Variants in RUBCNL observed in about 807,000 individuals in gnomAD.
The protein encoded by RUBCNL is rubicon like autophagy enhancer, also known as protein associated with UVRAG as autophagy enhancer.
RUBCNL carries 62 observed loss-of-function variants against 69.5 expected under a neutral mutation model. That is an observed-to-expected ratio of 0.89 (90% CI 0.73 to 1.10). The LOEUF (loss-of-function observed/expected upper bound fraction) is 1.10, where lower values mean the gene tolerates loss of function less well. Ranked by LOEUF, RUBCNL falls within the 50% of genes least tolerant of loss-of-function variation. The pLI, the probability that RUBCNL is intolerant of heterozygous loss-of-function variation, is 0.00. For synonymous variants in RUBCNL, 291 were observed against 303.6 expected (o/e 0.96, Z 0.43); for missense variants, 768 against 798.1 (o/e 0.96, Z 0.45).
intron 14 of RUBCNL, among the ~76,000 whole-genome samples, chr13:46,344,205 C>T (rs2048193335): frequency 6.6e-6 from 1 of 152,134 alleles, no homozygotes; most frequent in Non-Finnish European, 1.5e-5. Flanking sequence ...GAGGATATGC[C>T]CCTATCAAGG....
In RUBCNL at chr13:46,372,074, T is replaced by C. The variant is rs1310828710; in HGVS notation, c.402A>G (p.Val134=). ...GAGAGTATCCTGGGCGGACCATGTGTACCTCTGTTGAGGACAGAGAGAAGC... is the reference window on the plus strand; with the variant it reads ...GAGAGTATCCTGGGCGGACCATGTGCACCTCTGTTGAGGACAGAGAGAAGC... The part of the protein sequence containing the change: ...SSSFSLSSTE[V]HMVRPGYSHR... The change falls in exon 3 of 15, where the codon GTA becomes GTG. Residue 134 remains valine, a synonymous_variant. Transcript: ENST00000429979. The C allele has an allele frequency of 3.1e-6, 5 of 1,613,982 alleles. No individual in the cohort carries two copies. Among genetic ancestry groups the C allele is most frequent in the Admixed American group, 1.7e-5 (1 of 60,018 alleles).
chr13:46,381,164 G>T (rs369244796), intron 1 of RUBCNL, among the ~76,000 whole-genome samples: 1 of 152,114 alleles, frequency 6.6e-6, no homozygotes, highest in Non-Finnish European at 1.5e-5. Context: ...ACTTGTGCCC[G>T]AATATTTCTA....
chr13:46,388,199 C>CAAAAAAAAAAAAAAAAAAA (rs71074779), upstream of RUBCNL, among the ~76,000 whole-genome samples: 1 of 68,202 alleles, frequency 1.5e-5, no homozygotes, highest in African/African-American at 6.6e-5. Context: ...GCAAGACTGT[C>CAAAAAAAAAAAAAAAAAAA]AAAAAAAAAA....
At position 46,362,602 on chromosome 13, in the gene RUBCNL, TG is replaced by T; in HGVS notation, c.926-5del. On this transcript the variant is annotated splice_polypyrimidine_tract_variant and splice_region_variant and intron_variant, in intron 6 of 14. Transcript: ENST00000429979. ...ATATCATTAAAATCTCCAAGCTCTG[TG>T]GGAAAATAAAAGAAAGAGTGGTGAG... is the stretch of plus-strand genomic sequence containing the variant. The T allele has an allele frequency of 6.2e-7, 1 of 1,603,368 alleles. No individual in the cohort carries two copies. The highest frequency in any genetic ancestry group is 1.1e-5 in the South Asian group (1 of 89,468).
rs1386435547 is a variant in RUBCNL, at chr13:46,336,240, G to T, written c.*7145C>A. On this transcript the variant is annotated 3_prime_UTR_variant, in exon 15 of 15. Coordinates refer to ENST00000429979, the MANE Select transcript of RUBCNL (RefSeq NM_025113.5). ...TAACCAAGAAAACCAGGAGCTTTGG[G>T]TACCAGGCAGCACCTCCATCATCAG... Among the ~76,000 whole-genome samples the T allele has an allele frequency of 3.3e-5, 5 of 152,152 alleles. No homozygotes were observed. Among genetic ancestry groups the T allele is most frequent in the African/African-American group, 1.2e-4 (5 of 41,434 alleles).
intron 14 of RUBCNL, 46 bp from the exon 15 acceptor site, chr13:46,343,543 T>C (rs778988936): frequency 2.5e-6 from 4 of 1,579,532 alleles, no homozygotes; most frequent in Non-Finnish European, 3.5e-6. Flanking sequence ...TATCTTGTTT[T>C]CTCACATTTC....
At position 46,368,723 on chromosome 13, in the gene RUBCNL, T is replaced by C. The variant is rs373747004; in HGVS notation, c.618+10A>G. On this transcript the variant is annotated intron_variant, in intron 4 of 14. Transcript: ENST00000429979. ...ACTCTATGGTTAAAAAGAAAGAAGA[T>C]AGCATTCACCTTTTCTACATCAACA... 1.4e-5 allele frequency: 22 copies of C among 1,604,212 alleles called. No homozygotes were observed. The African/African-American group carries it at 2.1e-4, about 16-fold the overall frequency.
At position 46,335,952 on chromosome 13, in the gene RUBCNL, GAGA is replaced by G. The variant is rs1361153695; in HGVS notation, c.*7430_*7432del. On this transcript the variant is annotated 3_prime_UTR_variant, in exon 15 of 15. Coordinates refer to ENST00000429979, the MANE Select transcript of RUBCNL (RefSeq NM_025113.5). ...ATTTCACTGGATAAGACCATCCCAA[GAGA>G]AGAAAAGAGATGGCAAAACTGAGCC... Among the ~76,000 whole-genome samples the G allele has an allele frequency of 2.0e-5, 3 of 152,188 alleles. No individual in the cohort carries two copies. Among genetic ancestry groups the G allele is most frequent in the Non-Finnish European group, 4.4e-5 (3 of 68,036 alleles).
rs2048124825 is a variant in RUBCNL at position 46,339,322 on chromosome 13, A to C, written c.*4063T>G. On this transcript the variant is annotated 3_prime_UTR_variant, in exon 15 of 15. Coordinates refer to ENST00000429979, the MANE Select transcript of RUBCNL (RefSeq NM_025113.5). ...ACCAGTTGAGAAATTATTTAAAGAC[A>C]GAGATCCTTAAATGCTTGTTTTAAG... 6.6e-6 allele frequency among the ~76,000 whole-genome samples: 1 copy of C among 152,216 alleles called. No homozygotes were observed. Among genetic ancestry groups the C allele is most frequent in the African/African-American group, 2.4e-5 (1 of 41,464 alleles).
At chr13:46,378,108 A>AT (rs1439902766) in intron 1 of RUBCNL, 103 bp from the exon 2 acceptor site, 2 of 628,328 alleles carry the variant, frequency 3.2e-6, no homozygotes, top group Non-Finnish European at 5.3e-6. Flanking sequence ...GTTAAGAAAT[A>AT]TTTTTTTACT....
In RUBCNL at chr13:46,372,346, T is replaced by C. The variant is rs1566085926; in HGVS notation, c.130A>G (p.Ile44Val). Residue 44 changes from isoleucine to valine, a missense_variant, in exon 3 of 15, where the codon ATC (isoleucine) becomes GTC (valine). Transcript: ENST00000429979. ...ACAGCTTTGTGCCTCATGAGCCTGATGTCTAATTGGCAAGGAGGATGGTCA... is the reference window on the plus strand; with the variant it reads ...ACAGCTTTGTGCCTCATGAGCCTGACGTCTAATTGGCAAGGAGGATGGTCA... Reference protein sequence around the residue: ...NTDHPPCQLDIRLMRHKAVWI... With the variant: ...NTDHPPCQLDVRLMRHKAVWI... 2 of 1,614,034 alleles carry C rather than the reference T, an allele frequency of 1.2e-6. No homozygotes were observed. Among genetic ancestry groups the C allele is most frequent in the South Asian group, 1.1e-5 (1 of 91,088 alleles).
rs4597214 is a variant in RUBCNL at position 46,365,266 on chromosome 13, C to T, written c.827-2053G>A. ...TGCTGTGAGCCGAGATCGCACCACTCTACTCCGGCCTGGGCAACAGAGAAA... is the reference window on the plus strand; with the variant it reads ...TGCTGTGAGCCGAGATCGCACCACTTTACTCCGGCCTGGGCAACAGAGAAA... On this transcript the variant is annotated intron_variant, in intron 5 of 14. Transcript: ENST00000429979. 2.1e-5 allele frequency among the ~76,000 whole-genome samples: 3 copies of T among 142,198 alleles called. No homozygotes were observed. The Admixed American group carries it at 2.2e-4, about 11-fold the overall frequency. 93.3% of individuals were successfully genotyped at this position (142,198 alleles called of 152,430 possible). A position where few individuals can be genotyped will look rare whatever the true frequency, so the allele number is the denominator to read the frequency against.
chr13:46,372,708 T>C, intron 2 of RUBCNL, 111 bp from the exon 3 acceptor site: 3 of 923,612 alleles, frequency 3.2e-6, no homozygotes, highest in Non-Finnish European at 3.0e-6. Context: ...TACTTGGCTC[T>C]ATCCAACATA....
chr13:46,377,310 C>T, intron 2 of RUBCNL, among the ~76,000 whole-genome samples: 1 of 152,208 alleles, frequency 6.6e-6, no homozygotes, highest in Non-Finnish European at 1.5e-5. Flanking sequence ...GTTGCCCAGG[C>T]TGGAGTGCAG....
At position 46,387,150 on chromosome 13, in the gene RUBCNL, G is replaced by T. The variant is rs1024350223; in HGVS notation, c.-255C>A. 3 of 985,266 alleles carry T rather than the reference G, an allele frequency of 3.0e-6. No homozygotes were observed. The highest frequency in any genetic ancestry group is 3.6e-6 in the Non-Finnish European group (3 of 829,978). The allele number at this position is 985,266 out of a possible 1,614,324, so 61.0% of individuals were successfully genotyped here. Reference sequence around the variant, plus strand: ...CAGCCTCACCCAGCCAAACCCGAGCGGTGGAACGCTGCGCTGGGTAAACGC... The same window carrying T: ...CAGCCTCACCCAGCCAAACCCGAGCTGTGGAACGCTGCGCTGGGTAAACGC... On this transcript the variant is annotated 5_prime_UTR_variant, in exon 1 of 15. Transcript: ENST00000429979.
At position 46,354,810 on chromosome 13, in the gene RUBCNL, G is replaced by A. The variant is rs539667216; in HGVS notation, c.1330+1622C>T. On this transcript the variant is annotated intron_variant, in intron 10 of 14. Transcript: ENST00000429979. Reference sequence around the variant, plus strand: ...CTAAAAGATGATAAGCAAGCTCCCTGAGGGCAAGGCCACTGTACAAAAGTG... The same window carrying A: ...CTAAAAGATGATAAGCAAGCTCCCTAAGGGCAAGGCCACTGTACAAAAGTG... The A allele has an allele frequency of 9.5e-4, 436 of 456,736 alleles. 1 individual carries two copies. Among genetic ancestry groups the A allele is most frequent in the Non-Finnish European group, 1.6e-3 (372 of 226,980 alleles). The allele number at this position is 456,736 out of a possible 1,614,324, so 28.3% of individuals were successfully genotyped here.
chr13:46,369,484 A>G lies in RUBCNL; in HGVS notation c.536-669T>C, dbSNP rs541432709. 9.2e-5 allele frequency among the ~76,000 whole-genome samples: 14 copies of G among 152,296 alleles called. No homozygotes were observed. The South Asian group carries it at 2.9e-3, about 32-fold the overall frequency. ...TCCACCTCAGCCTCTCAAAGCACTG[A>G]GATTACAGGCAGATTGAGCCACTGC... On this transcript the variant is annotated intron_variant, in intron 3 of 14. Coordinates refer to ENST00000429979, the MANE Select transcript of RUBCNL (RefSeq NM_025113.5).
chr13:46,388,287 A>AAGGG (rs933612936), upstream of RUBCNL, among the ~76,000 whole-genome samples: 4 of 136,864 alleles, frequency 2.9e-5, no homozygotes, highest in Middle Eastern at 3.5e-3. Flanking sequence ...GAAGGAACCC[A>AAGGG]AGGGAGGGAG....
chr13:46,355,770 A>G (rs1353050723), intron 10 of RUBCNL, among the ~76,000 whole-genome samples: 1 of 152,260 alleles, frequency 6.6e-6, no homozygotes, highest in Non-Finnish European at 1.5e-5. Flanking sequence ...CTGGAAATAA[A>G]GTAATAAATA....
Sources: gnomAD v4.1 joint callset for allele counts (sites outside exome capture counted in the v4.1 genomes callset) on GRCh38, gnomAD v4.1.1 for gene constraint, MANE v1.5 for transcripts, NCBI Gene and HGNC (gene_info 2026-07-23, HGNC 2026-07-21) for gene names.